Variants in ANKRD55 observed in about 807,000 individuals in gnomAD.
ANKRD55 encodes the protein ankyrin repeat domain 55.
ANKRD55 carries 41 observed loss-of-function variants against 60.6 expected under a neutral mutation model. That is an observed-to-expected ratio of 0.68 (90% CI 0.53 to 0.88). The LOEUF is 0.88. Ranked by LOEUF, ANKRD55 falls within the 40% of genes least tolerant of loss-of-function variation. The pLI, the probability that ANKRD55 is intolerant of heterozygous loss-of-function variation, is 0.00. For missense variants in ANKRD55, 732 were observed against 767.6 expected, an observed-to-expected ratio of 0.95 and a Z score of 0.55; for synonymous variants, 264 against 290.3, an observed-to-expected ratio of 0.91 and a Z score of 0.92.
intron 2 of ANKRD55, among the ~76,000 whole-genome samples, chr5:56,187,762 G>T (rs1444412234): frequency 2.0e-5 from 3 of 152,172 alleles, no homozygotes. Context: ...CGTGACCCAC[G>T]GCTTCTAATA....
At chr5:56,108,474 C>G (rs1756564752) in intron 10 of ANKRD55, 1 of 152,178 alleles carries the variant, frequency 6.6e-6, no homozygotes, top group Non-Finnish European at 1.5e-5. Context: ...ACCCATGCCA[C>G]CAGCCAAGTG....
At chr5:56,107,564 T>C (rs1196212829) in intron 10 of ANKRD55, among the ~76,000 whole-genome samples, 4 of 152,184 alleles carry the variant, frequency 2.6e-5, no homozygotes, top group Admixed American at 2.6e-4. Context: ...GATAGCAACG[T>C]GGCCAGCTAA....
At chr5:56,219,287 A>G (rs923986434) in intron 2 of ANKRD55, among the ~76,000 whole-genome samples, 16 of 151,596 alleles carry the variant, frequency 1.1e-4, no homozygotes, top group Non-Finnish European at 1.8e-4. Flanking sequence ...AAAAAAAAAA[A>G]AAAAAGAAAA....
chr5:56,197,903 A>G (rs1759264370), intron 2 of ANKRD55, among the ~76,000 whole-genome samples: 1 of 152,198 alleles, frequency 6.6e-6, no homozygotes, highest in Admixed American at 6.5e-5. Context: ...CTGTCAAACC[A>G]TAGTTATTAG....
intron 9 of ANKRD55, among the ~76,000 whole-genome samples, chr5:56,115,569 G>A (rs756306884): frequency 1.4e-3 from 217 of 151,886 alleles, no homozygotes; most frequent in South Asian, 1.5e-3. Context: ...TGATCTACCC[G>A]CCTCAACTTC....
intron 2 of ANKRD55, among the ~76,000 whole-genome samples, chr5:56,225,047 C>A (rs552004554): frequency 2.0e-4 from 30 of 152,280 alleles, no homozygotes; most frequent in African/African-American, 6.7e-4. Flanking sequence ...GAATTTTAGA[C>A]CAATATCCTT....
rs559865269 is a variant in ANKRD55, at chr5:56,134,344, G to T, written c.613-7238C>A. On this transcript the variant is annotated intron_variant, in intron 7 of 11. Coordinates refer to ENST00000341048, the MANE Select transcript of ANKRD55 (RefSeq NM_024669.3). Reference sequence around the variant, plus strand: ...TGTTATCCCAGCACTTTGGGAGGCCGAGACAGGTGGATCACCTGAGGTCAG... The same window carrying T: ...TGTTATCCCAGCACTTTGGGAGGCCTAGACAGGTGGATCACCTGAGGTCAG... Among the ~76,000 whole-genome samples the T allele has an allele frequency of 5.2e-5, 6 of 114,690 alleles. 1 individual carries two copies. Among genetic ancestry groups the T allele is most frequent in the Non-Finnish European group, 1.0e-4 (5 of 48,474 alleles). The allele number at this position is 114,690 out of a possible 152,430, so 75.2% of individuals were successfully genotyped here.
At chr5:56,210,410 A>T (rs1056838372) in intron 2 of ANKRD55, among the ~76,000 whole-genome samples, 2 of 151,756 alleles carry the variant, frequency 1.3e-5, no homozygotes, top group African/African-American at 4.8e-5. Flanking sequence ...AAAATACAAA[A>T]AATTAGCCGG....
chr5:56,126,143 G>GATAAAATAAA (rs200972488), intron 8 of ANKRD55, among the ~76,000 whole-genome samples: 17 of 151,658 alleles, frequency 1.1e-4, no homozygotes, highest in African/African-American at 3.9e-4. Flanking sequence ...CAAAAAAATA[G>GATAAAATAAA]ATAAAATAAA....
Position 56,208,260 on chromosome 5 carries a change from G to A in ANKRD55, c.58+24596C>T, listed in dbSNP as rs1759562688. On this transcript the variant is annotated intron_variant, in intron 2 of 11. Transcript: ENST00000341048. ...GCCTTCTTTTGGAATACCTCCTGAG[G>A]GACCTTCTTGTTCGCTTAAAAAATA... 4.6e-5 allele frequency among the ~76,000 whole-genome samples: 7 copies of A among 151,314 alleles called. No homozygotes were observed. In the South Asian group the frequency reaches 1.3e-3, roughly 27 times the overall value.
chr5:56,102,021 T>TA (rs979607794), intron 11 of ANKRD55, among the ~76,000 whole-genome samples: 1 of 151,798 alleles, frequency 6.6e-6, no homozygotes, highest in African/African-American at 2.4e-5. Context: ...AATAAGCATT[T>TA]AAAAAAAAGC....
intron 4 of ANKRD55, among the ~76,000 whole-genome samples, chr5:56,173,576 CTCTCTCTATATATA>C (rs1187145950): frequency 1.6e-3 from 139 of 85,416 alleles, no homozygotes; most frequent in African/African-American, 6.9e-3. Context: ...CTCTCTCTCT[CTCTCTCTATATATA>C]TATATATATA....
chr5:56,170,162 A>T (rs1423861968), intron 5 of ANKRD55, among the ~76,000 whole-genome samples: 1 of 152,162 alleles, frequency 6.6e-6, no homozygotes, highest in African/African-American at 2.4e-5. Flanking sequence ...AGAGGCTGGC[A>T]TGGCCCTGGG....
At chr5:56,212,048 AG>A (rs1203331235) in intron 2 of ANKRD55, among the ~76,000 whole-genome samples, 36 of 117,352 alleles carry the variant, frequency 3.1e-4, no homozygotes, top group African/African-American at 1.5e-3. Context: ...AAACTGGTAA[AG>A]ACACACACAC....
At chr5:56,197,147 C>G (rs1581015215) in intron 2 of ANKRD55, among the ~76,000 whole-genome samples, 1 of 152,258 alleles carries the variant, frequency 6.6e-6, no homozygotes, top group South Asian at 2.1e-4. Context: ...TGTTTTAAAT[C>G]AGTGTAGTCC....
intron 7 of ANKRD55, among the ~76,000 whole-genome samples, chr5:56,130,512 C>G (rs1757380054): frequency 6.6e-6 from 1 of 152,156 alleles, no homozygotes; most frequent in African/African-American, 2.4e-5. Flanking sequence ...TCTCTTCCCC[C>G]CATACTTCAC....
chr5:56,124,804 C>T (rs1757190445), intron 8 of ANKRD55, among the ~76,000 whole-genome samples: 1 of 152,130 alleles, frequency 6.6e-6, no homozygotes, highest in Non-Finnish European at 1.5e-5. Context: ...CTGTGCCTGG[C>T]CCTGAAAAAT....
intron 7 of ANKRD55, among the ~76,000 whole-genome samples, chr5:56,135,267 C>T (rs1463925491): frequency 0.02 from 2,129 of 108,780 alleles, 109 homozygotes; most frequent in Admixed American, 0.039. Flanking sequence ...TCCTTCTTTC[C>T]CTCCCTCCCT....
rs1372936170 is a variant in ANKRD55 at position 56,137,115 on chromosome 5, T to C, written c.612+6686A>G. ...TAGGCATATATGAAAAGCCACAAAGTATCTGAAAGATGTCACTTTACAGAA... is the reference window on the plus strand; with the variant it reads ...TAGGCATATATGAAAAGCCACAAAGCATCTGAAAGATGTCACTTTACAGAA... On this transcript the variant is annotated intron_variant, in intron 7 of 11. Coordinates refer to ENST00000341048, the MANE Select transcript of ANKRD55 (RefSeq NM_024669.3). The C allele has an allele frequency of 3.3e-6, 4 of 1,197,454 alleles. No individual in the cohort carries two copies. The African/African-American group carries it at 6.0e-5, about 18-fold the overall frequency. 74.2% of individuals were successfully genotyped at this position (1,197,454 alleles called of 1,614,324 possible). A position where few individuals can be genotyped will look rare whatever the true frequency, so the allele number is the denominator to read the frequency against.
Sources: allele counts gnomAD v4.1 joint callset (sites outside exome capture counted in the v4.1 genomes callset), GRCh38; gene constraint gnomAD v4.1.1; transcripts MANE v1.5; gene names NCBI Gene and HGNC (gene_info 2026-07-23, HGNC 2026-07-21).